WIF1: variants seen among roughly 807,000 people sequenced by gnomAD.
WIF1 encodes Wnt inhibitory factor 1.
In WIF1, 35 loss-of-function variants were observed where a neutral mutation model predicts 53.5. The ratio of observed to expected loss-of-function variants is 0.65; its 90% CI spans 0.50 to 0.87. The LOEUF (loss-of-function observed/expected upper bound fraction) is 0.87, where lower values mean the gene tolerates loss of function less well. WIF1 is among the 40% of genes least tolerant of loss of function. WIF1 has a pLI of 0.00. For missense variants in WIF1, 467 were observed against 476.8 expected, an observed-to-expected ratio of 0.98 and a Z score of 0.19; for synonymous variants, 171 against 170.4, an observed-to-expected ratio of 1.00 and a Z score of -0.03.
chr12:65,093,738 T>A (rs1883159848), intron 2 of WIF1, among the ~76,000 whole-genome samples: 1 of 152,098 alleles, frequency 6.6e-6, no homozygotes, highest in African/African-American at 2.4e-5. Flanking sequence ...TGATCTGATG[T>A]GATGAGAGAA....
chr12:65,118,017 A>C (rs573839009), intron 2 of WIF1, among the ~76,000 whole-genome samples: 98 of 152,296 alleles, frequency 6.4e-4, no homozygotes, highest in Non-Finnish European at 1.1e-3. Context: ...TACTGGACTA[A>C]TAATTTATTG....
chr12:65,121,254 C>T lies in WIF1; in HGVS notation c.-63G>A, dbSNP rs1310299825. 7.3e-7 allele frequency: 1 copy of T among 1,374,420 alleles called. No individual in the cohort carries two copies. Among genetic ancestry groups the T allele is most frequent in the Admixed American group, 2.9e-5 (1 of 34,162 alleles). 85.1% of individuals were successfully genotyped at this position (1,374,420 alleles called of 1,614,324 possible). On this transcript the variant is annotated 5_prime_UTR_variant, in exon 1 of 10. Transcript: ENST00000286574. ...GTGCCGCACCTACGCAACCTGGCGC[C>T]GTCAGATACTCTGCTGCGCTGCAGC... is the stretch of plus-strand genomic sequence containing the variant.
At chr12:65,068,649 ATGTGTGTGTGTGTG>A (rs10590995) in intron 4 of WIF1, 101 bp downstream of exon 4, 322 of 1,003,598 alleles carry the variant, frequency 3.2e-4, no homozygotes, top group Middle Eastern at 3.0e-3. Context: ...CCAAAAAACC[ATGTGTGTGTGTGTG>A]TGTGTGTGTG....
At position 65,098,098 on chromosome 12, in the gene WIF1, A is replaced by G. The variant is rs1446531; in HGVS notation, c.289-20244T>C. On this transcript the variant is annotated intron_variant, in intron 2 of 9. Transcript: ENST00000286574. ...TAGCATAATGTCTTTCCTGCTCCAT[A>G]GGCAGTGGATAAAATAAGTCAATTT... Among the ~76,000 whole-genome samples, 475 of 152,294 alleles carry G rather than the reference A, an allele frequency of 3.1e-3. 2 individuals are homozygous for G. The highest frequency in any genetic ancestry group is 0.011 in the African/African-American group (437 of 41,564).
At chr12:65,057,887 C>G (rs1283671955) in intron 7 of WIF1, among the ~76,000 whole-genome samples, 1 of 152,084 alleles carries the variant, frequency 6.6e-6, no homozygotes, top group Non-Finnish European at 1.5e-5. Context: ...CCTAAAAGGA[C>G]TTTATTCATA....
intron 4 of WIF1, 43 bp downstream of exon 4, chr12:65,068,721 G>A (rs759703236): frequency 1.7e-5 from 28 of 1,602,746 alleles, no homozygotes; most frequent in Non-Finnish European, 2.4e-5. Context: ...TCACACCTAA[G>A]CCCTTACAAC....
chr12:65,117,055 A>G (rs758015727), intron 2 of WIF1, among the ~76,000 whole-genome samples: 11 of 152,192 alleles, frequency 7.2e-5, no homozygotes, highest in Non-Finnish European at 1.0e-4. Flanking sequence ...CATGGCCCCA[A>G]ATGGATGTCT....
chr12:65,066,723 T>TG lies in WIF1; in HGVS notation c.647dup (p.Arg217ThrfsTer26), dbSNP rs774388870. Reference sequence around the variant, plus strand: ...CACAAAGTCCACCATTCATACATCGTGGGGTACAAAGGGCTTATAGGGAGA... The same window carrying TG: ...CACAAAGTCCACCATTCATACATCGTGGGGGTACAAAGGGCTTATAGGGAGA... On this transcript the variant is annotated frameshift_variant, in exon 6 of 10. Transcript: ENST00000286574. LOFTEE classifies it high-confidence loss of function. The TG allele has an allele frequency of 6.2e-7, 1 of 1,608,802 alleles. No homozygotes were observed.
chr12:65,116,968 T>C (rs1274313199), intron 2 of WIF1, among the ~76,000 whole-genome samples: 37 of 145,982 alleles, frequency 2.5e-4, no homozygotes, highest in Middle Eastern at 3.6e-3. Context: ...AAAATTGTCT[T>C]CCGTGAAACC....
intron 7 of WIF1, among the ~76,000 whole-genome samples, chr12:65,056,781 C>A (rs1333453830): frequency 1.3e-5 from 2 of 151,944 alleles, no homozygotes; most frequent in Non-Finnish European, 2.9e-5. Flanking sequence ...TCCAGGGTTG[C>A]TGGGAACACA....
At chr12:65,076,375 G>T (rs1882861647) in intron 3 of WIF1, among the ~76,000 whole-genome samples, 1 of 152,106 alleles carries the variant, frequency 6.6e-6, no homozygotes, top group South Asian at 2.1e-4. Flanking sequence ...TAGTTAATGT[G>T]ATTAATAACC....
chr12:65,117,382 G>A (rs1220377607), intron 2 of WIF1, among the ~76,000 whole-genome samples: 2 of 152,138 alleles, frequency 1.3e-5, no homozygotes, highest in Non-Finnish European at 2.9e-5. Flanking sequence ...AGTTGATGTG[G>A]GGAAATGAAT....
intron 6 of WIF1, 107 bp from the exon 7 acceptor site, chr12:65,062,683 C>G (rs978153937): frequency 1.0e-6 from 1 of 968,660 alleles, no homozygotes; most frequent in South Asian, 1.6e-5. Flanking sequence ...TGCTACTTGC[C>G]CATTTCCTGA....
intron 6 of WIF1, among the ~76,000 whole-genome samples, chr12:65,063,872 C>T (rs1187831903): frequency 1.3e-5 from 2 of 151,840 alleles, no homozygotes; most frequent in Admixed American, 6.6e-5. Context: ...CACTACCATG[C>T]CTGATTAAGT....
intron 3 of WIF1, among the ~76,000 whole-genome samples, chr12:65,076,039 TC>T (rs763190081): frequency 3.3e-5 from 5 of 152,172 alleles, no homozygotes; most frequent in Admixed American, 6.5e-5. Context: ...CTTTCTTTTA[TC>T]TTTTTTGAGA....
At chr12:65,086,674 A>G (rs1883042653) in intron 2 of WIF1, among the ~76,000 whole-genome samples, 1 of 151,324 alleles carries the variant, frequency 6.6e-6, no homozygotes, top group South Asian at 2.1e-4. Flanking sequence ...CTGGAAAGGG[A>G]AAAGGAATCT....
intron 6 of WIF1, among the ~76,000 whole-genome samples, chr12:65,063,753 T>C (rs1882648279): frequency 6.6e-6 from 1 of 150,746 alleles, no homozygotes; most frequent in African/African-American, 2.4e-5. Context: ...TTGCTCTGTC[T>C]CCCAGGCTGG....
Position 65,067,675 on chromosome 12 carries a change from A to T in WIF1, c.634+20T>A, listed in dbSNP as rs746486880. ...ATGTTCATTAGGAAGGGAGCAAGGGAAATCGGCTCCATGTCTTACCTTTCT... is the reference window on the plus strand; with the variant it reads ...ATGTTCATTAGGAAGGGAGCAAGGGTAATCGGCTCCATGTCTTACCTTTCT... On this transcript the variant is annotated intron_variant, in intron 5 of 9. Transcript: ENST00000286574. The T allele has an allele frequency of 4.8e-5, 77 of 1,607,348 alleles. 1 individual carries two copies. In the South Asian group the frequency reaches 8.3e-4, roughly 17 times the overall value.
At chr12:65,058,128 T>G (rs1177934496) in intron 7 of WIF1, among the ~76,000 whole-genome samples, 1 of 151,984 alleles carries the variant, frequency 6.6e-6, no homozygotes, top group Non-Finnish European at 1.5e-5. Context: ...AAGAATACCA[T>G]TTACTGTTTA....
Sources: gnomAD v4.1 joint callset for allele counts (sites outside exome capture counted in the v4.1 genomes callset) on GRCh38, gnomAD v4.1.1 for gene constraint, MANE v1.5 for transcripts, NCBI Gene and HGNC (gene_info 2026-07-23, HGNC 2026-07-21) for gene names.